DCHS2: variants seen among roughly 807,000 people sequenced by gnomAD.
DCHS2 encodes the protein protocadherin-23.
Under a neutral mutation model 182.4 loss-of-function variants are expected in DCHS2, and 142 were observed. That is an observed-to-expected ratio of 0.78 (90% CI 0.68 to 0.89). The LOEUF (loss-of-function observed/expected upper bound fraction) is 0.89, where lower values mean the gene tolerates loss of function less well. Among genes scored for constraint, DCHS2 ranks in the 40% least tolerant of loss-of-function variants. DCHS2 has a pLI of 0.00. For missense variants in DCHS2, 4,319 were observed against 4,198.6 expected (o/e 1.03, Z -0.79); for synonymous variants, 1,740 against 1,663.3 (o/e 1.05, Z -1.12).
At chr4:154,461,878 A>G (rs1315901283) in intron 1 of DCHS2, among the ~76,000 whole-genome samples, 3 of 152,172 alleles carry the variant, frequency 2.0e-5, no homozygotes, top group Admixed American at 6.5e-5. Flanking sequence ...TGCAAGAGGA[A>G]GACTTTCCCA....
chr4:154,364,758 T>C (rs552577131), intron 3 of DCHS2, among the ~76,000 whole-genome samples: 8 of 152,274 alleles, frequency 5.3e-5, no homozygotes, highest in African/African-American at 1.7e-4. Context: ...GTTTCTACCG[T>C]ATATGGCTAT....
At chr4:154,481,181 C>A (rs1290599586) in intron 1 of DCHS2, among the ~76,000 whole-genome samples, 3 of 152,256 alleles carry the variant, frequency 2.0e-5, no homozygotes, top group East Asian at 3.9e-4. Context: ...CCTAGAGTAT[C>A]TATTGAGATC....
chr4:154,386,819 TA>T (rs1254862041), intron 1 of DCHS2, among the ~76,000 whole-genome samples: 1 of 152,130 alleles, frequency 6.6e-6, no homozygotes, highest in Non-Finnish European at 1.5e-5. Flanking sequence ...AGGAAACACA[TA>T]AGAACAAGAT....
rs77717655 is a variant in DCHS2, at chr4:154,457,646, T to C, written c.2052+31658A>G. On this transcript the variant is annotated intron_variant, in intron 1 of 19. Coordinates refer to ENST00000357232, the MANE Select transcript of DCHS2 (RefSeq NM_001358235.2). ...ACGATTTTGTTTTTTAGAGTATCTA[T>C]GCCATCTGTTACATCTGGCTTATAA... Among the ~76,000 whole-genome samples the C allele has an allele frequency of 9.6e-3, 1,468 of 152,326 alleles. 11 individuals carry two copies. The highest frequency in any genetic ancestry group is 0.016 in the Non-Finnish European group (1,077 of 68,020).
chr4:154,238,184 GAGA>G (rs1180676249), intron 19 of DCHS2, among the ~76,000 whole-genome samples: 1 of 151,868 alleles, frequency 6.6e-6, no homozygotes, highest in African/African-American at 2.4e-5. Flanking sequence ...GGGATACAGA[GAGA>G]AGAATAGAAG....
At chr4:154,305,663 A>T (rs556484859) in intron 10 of DCHS2, among the ~76,000 whole-genome samples, 1 of 152,106 alleles carries the variant, frequency 6.6e-6, no homozygotes, top group African/African-American at 2.4e-5. Flanking sequence ...TTTATTCTCA[A>T]CCTCAAGAAG....
chr4:154,259,882 G>GCA, intron 14 of DCHS2, 126 bp from the exon 15 acceptor site: 1 of 1,131,614 alleles, frequency 8.8e-7, no homozygotes, highest in Non-Finnish European at 1.2e-6. Context: ...GAGTGCAGTG[G>GCA]TGAAATCTCG....
Position 154,255,662 on chromosome 4 carries a change from A to G in DCHS2, c.6798T>C (p.Ala2266=), listed in dbSNP as rs777432875. Residue 2266 remains alanine, a synonymous_variant, in exon 16 of 20, where the codon GCT becomes GCC. Transcript: ENST00000357232. ...CGTTCAAACCACTGTCCAAGTCGGT[A>G]GCAAAAACCTGTGAGGAACCGACTG... The part of the protein sequence containing the change: ...LYNAHVIQVF[A]TDLDSGLNGL... 6.2e-7 allele frequency: 1 copy of G among 1,612,308 alleles called. No individual in the cohort carries two copies. Among genetic ancestry groups the G allele is most frequent in the Admixed American group, 1.7e-5 (1 of 59,772 alleles).
At chr4:154,272,822 C>T (rs1190214833) in intron 13 of DCHS2, among the ~76,000 whole-genome samples, 1 of 152,116 alleles carries the variant, frequency 6.6e-6, no homozygotes, top group East Asian at 1.9e-4. Context: ...TATGTAGTAT[C>T]TTACAGTGGT....
intron 1 of DCHS2, among the ~76,000 whole-genome samples, chr4:154,424,218 GA>G (rs1202896704): frequency 6.6e-6 from 1 of 151,984 alleles, no homozygotes; most frequent in African/African-American, 2.4e-5. Flanking sequence ...AAGAATTCAA[GA>G]AAAAGAAAAA....
intron 10 of DCHS2, among the ~76,000 whole-genome samples, chr4:154,311,694 C>T (rs565211851): frequency 1.7e-4 from 26 of 152,252 alleles, no homozygotes; most frequent in African/African-American, 6.0e-4. Flanking sequence ...GTCATACATG[C>T]TTCAGTTTCT....
In DCHS2 at chr4:154,242,218, TG is replaced by T. The variant is rs781167625; in HGVS notation, c.7072+423del. ...GATAAGGTTATTCTGGGAAAAATGA[TG>T]GCTTTGTGCAATAAACATCTAATTC... is the stretch of plus-strand genomic sequence containing the variant. On this transcript the variant is annotated intron_variant, in intron 17 of 19. Transcript: ENST00000357232. Among the ~76,000 whole-genome samples the T allele has an allele frequency of 1.5e-4, 23 of 152,292 alleles. No homozygotes were observed. In the South Asian group the frequency reaches 2.5e-3, roughly 16 times the overall value.
chr4:154,368,195 T>C (rs1310437996), intron 2 of DCHS2, among the ~76,000 whole-genome samples: 1 of 152,238 alleles, frequency 6.6e-6, no homozygotes, highest in African/African-American at 2.4e-5. Flanking sequence ...AGGTTCGACG[T>C]AGTAAGAGGG....
At chr4:154,346,013 A>G (rs188916476) in intron 3 of DCHS2, among the ~76,000 whole-genome samples, 13 of 152,208 alleles carry the variant, frequency 8.5e-5, no homozygotes, top group African/African-American at 1.9e-4. Context: ...GCAGACAGCC[A>G]TCTTCTTGTA....
chr4:154,357,320 G>C (rs1402658296), intron 3 of DCHS2: 17 of 1,607,218 alleles, frequency 1.1e-5, no homozygotes, highest in Non-Finnish European at 1.4e-5. Flanking sequence ...CTGGACTATA[G>C]AGTCCTAATT....
chr4:154,285,300 C>T (rs980948624), intron 13 of DCHS2, among the ~76,000 whole-genome samples: 4 of 151,974 alleles, frequency 2.6e-5, no homozygotes, highest in Admixed American at 1.3e-4. Flanking sequence ...CCAGCATATT[C>T]CCAGATGTGG....
intron 1 of DCHS2, among the ~76,000 whole-genome samples, chr4:154,432,847 G>GGA (rs1733613363): frequency 6.6e-6 from 1 of 152,074 alleles, no homozygotes. Context: ...GAGAAGAAAG[G>GGA]GAGGGAAAGC....
intron 13 of DCHS2, among the ~76,000 whole-genome samples, chr4:154,283,016 T>G (rs1019095742): frequency 6.6e-6 from 1 of 152,102 alleles, no homozygotes; most frequent in African/African-American, 2.4e-5. Context: ...TGCTAAGGGT[T>G]GGTGGAGGGG....
intron 1 of DCHS2, among the ~76,000 whole-genome samples, chr4:154,457,541 C>T (rs1344595360): frequency 6.6e-6 from 1 of 152,182 alleles, no homozygotes; most frequent in Non-Finnish European, 1.5e-5. Flanking sequence ...CTACTATTGG[C>T]TCATCCCCAA....
Sources: gnomAD v4.1 joint callset for allele counts (sites outside exome capture counted in the v4.1 genomes callset) on GRCh38, gnomAD v4.1.1 for gene constraint, MANE v1.5 for transcripts, NCBI Gene and HGNC (gene_info 2026-07-23, HGNC 2026-07-21) for gene names.